CADPS2: variants seen among roughly 807,000 people sequenced by gnomAD.
The protein encoded by CADPS2 is calcium dependent secretion activator 2, also known as calcium-dependent secretion activator 2.
Under a neutral mutation model 172.5 loss-of-function variants are expected in CADPS2, and 93 were observed. The ratio of observed to expected loss-of-function variants is 0.54; its 90% CI spans 0.46 to 0.64. The LOEUF is 0.64. CADPS2 is among the 30% of genes least tolerant of loss of function. CADPS2 has a pLI of 0.00. For missense variants in CADPS2, 1,420 were observed against 1,565.9 expected (o/e 0.91, Z 1.57); for synonymous variants, 546 against 555.2 (o/e 0.98, Z 0.23).
intron 7 of CADPS2, among the ~76,000 whole-genome samples, chr7:122,570,411 A>G (rs1171171116): frequency 6.7e-6 from 1 of 149,040 alleles, no homozygotes; most frequent in East Asian, 2.0e-4. Flanking sequence ...GTGGAGAAAT[A>G]GGAACACTTT....
At chr7:122,607,960 T>C (rs2073798126) in intron 6 of CADPS2, among the ~76,000 whole-genome samples, 1 of 152,164 alleles carries the variant, frequency 6.6e-6, no homozygotes, top group Non-Finnish European at 1.5e-5. Flanking sequence ...GGCTCACACC[T>C]GTAATCCCAG....
chr7:122,632,027 T>C (rs1009283140), intron 3 of CADPS2, among the ~76,000 whole-genome samples: 1 of 152,196 alleles, frequency 6.6e-6, no homozygotes, highest in Non-Finnish European at 1.5e-5. Flanking sequence ...GATTTCATTC[T>C]TTTTTAGGGT....
At position 122,886,130 on chromosome 7, in the gene CADPS2, C is replaced by T; in HGVS notation, c.208G>A (p.Glu70Lys). The T allele has an allele frequency of 6.4e-7, 1 of 1,556,354 alleles. No individual in the cohort carries two copies. The highest frequency in any genetic ancestry group is 8.7e-7 in the Non-Finnish European group (1 of 1,150,868). ...TCATCGTCCAGCTGCCGCTGGGGCT[C>T]GTCTCGCCCCTCGCTGAGCACAGAG... The part of the protein sequence containing the change: ...SPSVLSEGRD[E>K]PQRQLDDEQE... Residue 70 changes from glutamate (E) to lysine (K), a missense_variant, in exon 1 of 30, where the codon GAG becomes AAG. Glu to Lys is a moderately conservative substitution (Grantham distance 56). Coordinates refer to ENST00000449022, the MANE Select transcript of CADPS2 (RefSeq NM_017954.11).
chr7:122,694,977 A>C (rs185084745), intron 2 of CADPS2, among the ~76,000 whole-genome samples: 11 of 152,272 alleles, frequency 7.2e-5, no homozygotes, highest in Admixed American at 6.5e-4. Flanking sequence ...AACCCGTTAA[A>C]TGTGGTGAAG....
chr7:122,484,992 GA>G (rs904543716), intron 11 of CADPS2, among the ~76,000 whole-genome samples: 1 of 151,822 alleles, frequency 6.6e-6, no homozygotes, highest in Non-Finnish European at 1.5e-5. Context: ...GTCATCTGTG[GA>G]AAGTGATCTT....
chr7:122,772,008 G>C (rs1420181848), intron 1 of CADPS2, among the ~76,000 whole-genome samples: 1 of 152,214 alleles, frequency 6.6e-6, no homozygotes, highest in African/African-American at 2.4e-5. Context: ...GTGAGGAACA[G>C]TGGAGGAGAT....
intron 4 of CADPS2, among the ~76,000 whole-genome samples, chr7:122,622,572 C>G (rs1465251402): frequency 6.6e-6 from 1 of 152,176 alleles, no homozygotes; most frequent in Non-Finnish European, 1.5e-5. Flanking sequence ...TTCCCCAGAA[C>G]AGCAAATGAG....
intron 4 of CADPS2, among the ~76,000 whole-genome samples, chr7:122,623,172 C>A (rs2075765704): frequency 7.8e-6 from 1 of 127,910 alleles, no homozygotes; most frequent in African/African-American, 3.0e-5. Flanking sequence ...TCCAAAACAG[C>A]AAATTTGTAT....
chr7:122,482,376 A>G (rs1330067999), intron 11 of CADPS2, among the ~76,000 whole-genome samples: 1 of 152,118 alleles, frequency 6.6e-6, no homozygotes, highest in East Asian at 1.9e-4. Context: ...GGTAGAGGAC[A>G]GGGGTGCTGT....
At chr7:122,521,780 A>T (rs1294876590) in intron 8 of CADPS2, among the ~76,000 whole-genome samples, 1 of 152,152 alleles carries the variant, frequency 6.6e-6, no homozygotes, top group Non-Finnish European at 1.5e-5. Context: ...GCAAATGCAT[A>T]AAACATAGAG....
chr7:122,587,443 T>C (rs1032189191), intron 6 of CADPS2, among the ~76,000 whole-genome samples: 2 of 152,044 alleles, frequency 1.3e-5, no homozygotes, highest in African/African-American at 4.8e-5. Flanking sequence ...AAGGACATGA[T>C]CTCATTCCTT....
intron 2 of CADPS2, among the ~76,000 whole-genome samples, chr7:122,713,840 A>G (rs766548925): frequency 1.1e-4 from 17 of 152,104 alleles, no homozygotes; most frequent in Non-Finnish European, 1.9e-4. Flanking sequence ...GTTATAATGT[A>G]CAGGCCAACT....
At chr7:122,399,656 GTTTCTTTTTTTTTTTTTTTTTTTTTT>G (rs1189545209) in intron 20 of CADPS2, among the ~76,000 whole-genome samples, 8 of 94,550 alleles carry the variant, frequency 8.5e-5, no homozygotes, top group Non-Finnish European at 1.9e-4. Context: ...TCAAGGGTGG[GTTTCTTTTTTTTTTTTTTTTTTTTTT>G]TTTTTTTTTT....
intron 20 of CADPS2, among the ~76,000 whole-genome samples, chr7:122,400,939 ATC>A (rs2045873736): frequency 1.3e-5 from 2 of 152,208 alleles, no homozygotes; most frequent in Admixed American, 1.3e-4. Context: ...CTGAAAAATA[ATC>A]TCTGATACAG....
chr7:122,458,736 A>T (rs1405511211), intron 14 of CADPS2, among the ~76,000 whole-genome samples: 1 of 152,170 alleles, frequency 6.6e-6, no homozygotes, highest in Non-Finnish European at 1.5e-5. Context: ...GAATAGGCCA[A>T]GGACCAAAAC....
intron 2 of CADPS2, among the ~76,000 whole-genome samples, chr7:122,686,016 C>T (rs1016971248): frequency 1.3e-5 from 2 of 152,108 alleles, no homozygotes; most frequent in Admixed American, 1.3e-4. Context: ...TTTATGGACC[C>T]GAACCTAGAA....
At chr7:122,595,521 C>A (rs543048900) in intron 6 of CADPS2, among the ~76,000 whole-genome samples, 1 of 152,104 alleles carries the variant, frequency 6.6e-6, no homozygotes, top group South Asian at 2.1e-4. Context: ...CATTTAAAAG[C>A]AAATATTCCT....
intron 1 of CADPS2, among the ~76,000 whole-genome samples, chr7:122,753,760 C>T (rs150066348): frequency 7.0e-4 from 106 of 152,264 alleles, no homozygotes; most frequent in African/African-American, 2.1e-3. Flanking sequence ...CAGTTGTATA[C>T]ATATAAACAC....
chr7:122,473,041 A>AATATT (rs2056182279), intron 13 of CADPS2, among the ~76,000 whole-genome samples: 1 of 152,162 alleles, frequency 6.6e-6, no homozygotes, highest in Admixed American at 6.5e-5. Context: ...GAGCATCTGC[A>AATATT]TGATGCTTTT....
Sources: allele counts gnomAD v4.1 joint callset (sites outside exome capture counted in the v4.1 genomes callset), GRCh38; gene constraint gnomAD v4.1.1; transcripts MANE v1.5; gene names NCBI Gene and HGNC (gene_info 2026-07-23, HGNC 2026-07-21).